FAM149A: variants seen among roughly 807,000 people sequenced by gnomAD.
The protein encoded by FAM149A is protein FAM149A.
FAM149A carries 71 observed loss-of-function variants against 78.2 expected under a neutral mutation model. That is an observed-to-expected ratio of 0.91 (90% confidence interval 0.75 to 1.11). FAM149A has a LOEUF of 1.11. Ranked by LOEUF, FAM149A falls within the 50% of genes least tolerant of loss-of-function variation. The pLI, the probability that FAM149A is intolerant of heterozygous loss-of-function variation, is 0.00. For synonymous variants in FAM149A, 446 were observed against 410.5 expected (o/e 1.09, Z -1.04); for missense variants, 1,036 against 971.0 (o/e 1.07, Z -0.89).
intron 4 of FAM149A, chr4:186,153,295 G>C (rs1487861293): frequency 1.1e-6 from 1 of 943,696 alleles, no homozygotes; most frequent in South Asian, 4.9e-5. Flanking sequence ...TAGTTAATAT[G>C]TATGGAGGGC....
Position 186,169,225 on chromosome 4 carries a change from T to C in FAM149A, c.2218+1963T>C, listed in dbSNP as rs1025950465. On this transcript the variant is annotated intron_variant, in intron 13 of 13. Transcript: ENST00000389354. ...CTTTTTTTCCTTTAAAATATGCTAG[T>C]CATTGTTTCTACAATTATAAAAAAT... 6.1e-6 allele frequency: 6 copies of C among 983,706 alleles called. No individual in the cohort carries two copies. In the East Asian group the frequency reaches 5.7e-4, roughly 93 times the overall value. 60.9% of individuals were successfully genotyped at this position (983,706 alleles called of 1,614,324 possible).
intron 13 of FAM149A, among the ~76,000 whole-genome samples, chr4:186,168,107 C>G (rs1735213417): frequency 6.6e-6 from 1 of 152,182 alleles, no homozygotes; most frequent in Admixed American, 6.5e-5. Flanking sequence ...AACATGTAAG[C>G]ATTGCGTAGC....
At chr4:186,160,694 C>A (rs1282218149) in intron 8 of FAM149A, 1 of 635,950 alleles carries the variant, frequency 1.6e-6, no homozygotes, top group African/African-American at 2.0e-5. Flanking sequence ...TCACACATAC[C>A]ACACACACTA....
chr4:186,169,986 AT>A, intron 13 of FAM149A: 2 of 949,558 alleles, frequency 2.1e-6, no homozygotes, highest in Non-Finnish European at 1.3e-6. Context: ...CTCCTTAACC[AT>A]TTTTTTAATG....
intron 1 of FAM149A, chr4:186,123,770 C>A: frequency 1.1e-6 from 1 of 906,438 alleles, no homozygotes; most frequent in Non-Finnish European, 1.3e-6. Flanking sequence ...TTGTGACAAA[C>A]TAATGTGCTG....
chr4:186,145,042 A>G, intron 1 of FAM149A: 1 of 981,404 alleles, frequency 1.0e-6, no homozygotes, highest in Non-Finnish European at 1.2e-6. Flanking sequence ...CCTCTGCCTG[A>G]CGGTGCCCGA....
rs2099318756 is a variant in FAM149A at position 186,127,344 on chromosome 4, A to C, written c.566+21702A>C. On this transcript the variant is annotated intron_variant, in intron 1 of 13. Coordinates refer to ENST00000389354, the MANE Select transcript of FAM149A (RefSeq NM_001367768.3). ...GAAGTAGGTTTACTTCACAGTAAACATCCTTCCAGTCTACCTGGATTCCAC... is the reference window on the plus strand; with the variant it reads ...GAAGTAGGTTTACTTCACAGTAAACCTCCTTCCAGTCTACCTGGATTCCAC... 5.1e-6 allele frequency: 5 copies of C among 985,442 alleles called. No individual in the cohort carries two copies. The South Asian group carries it at 2.3e-4, about 46-fold the overall frequency. The allele number at this position is 985,442 out of a possible 1,614,324, so 61.0% of individuals were successfully genotyped here.
intron 1 of FAM149A, among the ~76,000 whole-genome samples, chr4:186,126,450 A>C (rs1418263732): frequency 6.6e-6 from 1 of 152,152 alleles, no homozygotes; most frequent in East Asian, 1.9e-4. Flanking sequence ...GACGCAGTGG[A>C]ATCTACCCTC....
chr4:186,131,682 A>G (rs1286663187), intron 1 of FAM149A, among the ~76,000 whole-genome samples: 1 of 152,236 alleles, frequency 6.6e-6, no homozygotes, highest in Non-Finnish European at 1.5e-5. Flanking sequence ...CTACACATAC[A>G]AAACAATTTC....
chr4:186,108,214 TG>T (rs2099309572), intron 1 of FAM149A, among the ~76,000 whole-genome samples: 1 of 150,652 alleles, frequency 6.6e-6, no homozygotes, highest in African/African-American at 2.4e-5. Flanking sequence ...AAGGGAGAAA[TG>T]GGTAATGTCA....
At chr4:186,158,565 G>A in intron 8 of FAM149A, 1 of 823,818 alleles carries the variant, frequency 1.2e-6, no homozygotes, top group South Asian at 5.0e-5. Context: ...AGTTTCAGGG[G>A]AACAGATTGC....
chr4:186,147,670 G>C (rs967274845), intron 1 of FAM149A, among the ~76,000 whole-genome samples: 2 of 152,088 alleles, frequency 1.3e-5, no homozygotes, highest in African/African-American at 4.8e-5. Context: ...GTTTTTCTTA[G>C]TGTTCAAAAC....
At chr4:186,139,106 C>T (rs1348520173) in intron 1 of FAM149A, among the ~76,000 whole-genome samples, 4 of 152,134 alleles carry the variant, frequency 2.6e-5, no homozygotes, top group Non-Finnish European at 4.4e-5. Flanking sequence ...TTTTGTTACT[C>T]AGGTTGTTCT....
intron 1 of FAM149A, chr4:186,110,273 G>C: frequency 1.0e-6 from 1 of 985,320 alleles, no homozygotes; most frequent in Non-Finnish European, 1.2e-6. Context: ...TATTGTCTTA[G>C]GTCTTTTTGT....
chr4:186,139,672 C>A (rs2099324992), intron 1 of FAM149A, among the ~76,000 whole-genome samples: 1 of 152,180 alleles, frequency 6.6e-6, no homozygotes, highest in Non-Finnish European at 1.5e-5. Context: ...TTATAAGTCA[C>A]CCAGTCTATG....
At position 186,157,627 on chromosome 4, in the gene FAM149A, C is replaced by T; in HGVS notation, c.1483C>T (p.Pro495Ser). The change falls in exon 8 of 14, where the codon CCA becomes TCA. Residue 495 changes from proline to serine, a missense_variant. Around this residue, in one of 3 missense-constraint regions of FAM149A, gnomAD observed 716 missense variants for 711.8 expected, o/e 1.01. Coordinates refer to ENST00000389354, the MANE Select transcript of FAM149A (RefSeq NM_001367768.3). ...AAACAGATTTCCGCACGTCCTCGTT[C>T]CACACGCTCACGCCGATGGAGCCAG... 6.2e-7 allele frequency: 1 copy of T among 1,614,086 alleles called. No homozygotes were observed. Among genetic ancestry groups the T allele is most frequent in the Non-Finnish European group, 8.5e-7 (1 of 1,179,912 alleles).
intron 8 of FAM149A, among the ~76,000 whole-genome samples, chr4:186,159,736 G>T (rs1190093614): frequency 1.3e-5 from 2 of 152,082 alleles, no homozygotes; most frequent in African/African-American, 4.8e-5. Flanking sequence ...GAGAGATGTG[G>T]TCGCAGGTGA....
In FAM149A at chr4:186,144,804, A is replaced by T; in HGVS notation, c.567-4369A>T. On this transcript the variant is annotated intron_variant, in intron 1 of 13. Coordinates refer to ENST00000389354, the MANE Select transcript of FAM149A (RefSeq NM_001367768.3). This position sits in a 1 kb window ranked among gnomAD's most constrained non-coding sequence, Gnocchi z 4.2. ...TAGCTGGCGGGCGAGGGCGCAGCGC[A>T]GGGAGGAGGAGGGGAGGCGGCGCCG... The T allele has an allele frequency of 6.1e-6, 6 of 976,048 alleles. No individual in the cohort carries two copies. The highest frequency in any genetic ancestry group is 7.3e-6 in the Non-Finnish European group (6 of 823,636). 60.5% of individuals were successfully genotyped at this position (976,048 alleles called of 1,614,324 possible). A position where few individuals can be genotyped will look rare whatever the true frequency, so the allele number is the denominator to read the frequency against.
chr4:186,160,269 G>A (rs1296830963), intron 8 of FAM149A, among the ~76,000 whole-genome samples: 5 of 65,004 alleles, frequency 7.7e-5, no homozygotes, highest in Admixed American at 3.6e-4. Context: ...GCACACACCC[G>A]ACACAAACAC....
Sources: allele counts gnomAD v4.1 joint callset (sites outside exome capture counted in the v4.1 genomes callset), GRCh38; gene constraint gnomAD v4.1.1; regional missense constraint gnomAD v4.1.1; non-coding constraint Gnocchi (gnomAD v3.1); transcripts MANE v1.5; gene names NCBI Gene and HGNC (gene_info 2026-07-23, HGNC 2026-07-21).